Variants in ARHGAP26 observed in about 807,000 individuals in gnomAD.
The protein encoded by ARHGAP26 is rho GTPase-activating protein 26.
ARHGAP26 carries 38 observed loss-of-function variants against 104.8 expected under a neutral mutation model. That is an observed-to-expected ratio of 0.36 (90% confidence interval 0.28 to 0.48). ARHGAP26 has a LOEUF of 0.48. Ranked by LOEUF, ARHGAP26 falls within the 20% of genes least tolerant of loss-of-function variation. The pLI is 0.99. For missense variants in ARHGAP26, 704 were observed against 947.9 expected (o/e 0.74, Z 3.38); for synonymous variants, 341 against 340.0 (o/e 1.00, Z -0.03).
At chr5:143,027,175 GT>G (rs10551710) in intron 12 of ARHGAP26, among the ~76,000 whole-genome samples, 31,106 of 140,768 alleles carry the variant, frequency 0.22, 3,571 homozygotes, top group South Asian at 0.34. Flanking sequence ...GATTTTTTGT[GT>G]TTTTTTTTTT....
At chr5:142,910,829 T>G (rs1330519062) in intron 9 of ARHGAP26, among the ~76,000 whole-genome samples, 5 of 152,234 alleles carry the variant, frequency 3.3e-5, no homozygotes, top group Non-Finnish European at 7.3e-5. Flanking sequence ...TCCAAAGTAC[T>G]GGGATTACCA....
At chr5:142,888,081 G>A (rs1321338961) in intron 5 of ARHGAP26, among the ~76,000 whole-genome samples, 1 of 152,154 alleles carries the variant, frequency 6.6e-6, no homozygotes, top group East Asian at 1.9e-4. Flanking sequence ...TTTGTTGAAT[G>A]CATATTTATG....
At chr5:143,012,896 C>T (rs1779095806) in intron 11 of ARHGAP26, among the ~76,000 whole-genome samples, 1 of 151,866 alleles carries the variant, frequency 6.6e-6, no homozygotes, top group Admixed American at 6.6e-5. Flanking sequence ...CCTCATGATC[C>T]ACCCGCCTGG....
intron 11 of ARHGAP26, among the ~76,000 whole-genome samples, chr5:142,959,140 A>C (rs1183031161): frequency 3.9e-5 from 6 of 152,362 alleles, no homozygotes; most frequent in African/African-American, 1.2e-4. Flanking sequence ...GTCTGAACCC[A>C]GAGCTGCTGG....
At chr5:142,807,453 G>A (rs528184726) in intron 1 of ARHGAP26, among the ~76,000 whole-genome samples, 64 of 152,180 alleles carry the variant, frequency 4.2e-4, no homozygotes, top group Non-Finnish European at 6.2e-4. Context: ...CTTCAGTTCA[G>A]CTGTGCTGCT....
chr5:143,003,424 G>A (rs772354475), intron 11 of ARHGAP26, among the ~76,000 whole-genome samples: 16 of 152,182 alleles, frequency 1.1e-4, no homozygotes, highest in Non-Finnish European at 2.2e-4. Context: ...GAAGGAATGC[G>A]CATCCTTAAG....
intron 20 of ARHGAP26, among the ~76,000 whole-genome samples, chr5:143,171,347 G>A (rs1327232994): frequency 6.6e-6 from 1 of 152,164 alleles, no homozygotes; most frequent in Non-Finnish European, 1.5e-5. Flanking sequence ...GTCATCCATC[G>A]TCTTGAGGGC....
At chr5:143,104,501 A>T (rs958110930) in intron 17 of ARHGAP26, among the ~76,000 whole-genome samples, 2 of 152,226 alleles carry the variant, frequency 1.3e-5, no homozygotes, top group Non-Finnish European at 2.9e-5. Flanking sequence ...AGAGAGTGAG[A>T]ACCTGTCTCA....
rs188575542 is a variant in ARHGAP26 at position 142,871,263 on chromosome 5, T to G, written c.155-2137T>G. On this transcript the variant is annotated intron_variant, in intron 1 of 22. Transcript: ENST00000645722. This position sits in a 1 kb window ranked among gnomAD's most constrained non-coding sequence, Gnocchi z 4.1. ...ACAGGCCCTGCCCTGGTTCAATGGG[T>G]GCCCCTGTGCAGAAGCCTCACAAAG... Among the ~76,000 whole-genome samples, 187 of 152,228 alleles carry G rather than the reference T, an allele frequency of 1.2e-3. No individual in the cohort carries two copies. The highest frequency in any genetic ancestry group is 4.1e-3 in the African/African-American group (172 of 41,520).
intron 10 of ARHGAP26, among the ~76,000 whole-genome samples, chr5:142,929,610 GA>G (rs1764423823): frequency 6.6e-6 from 1 of 152,292 alleles, no homozygotes; most frequent in Non-Finnish European, 1.5e-5. Flanking sequence ...ATGTGGAAAA[GA>G]ACTTGTATTT....
intron 20 of ARHGAP26, among the ~76,000 whole-genome samples, chr5:143,196,171 C>G (rs1203608981): frequency 6.6e-6 from 1 of 151,512 alleles, no homozygotes; most frequent in Admixed American, 6.6e-5. Flanking sequence ...TATTTAGTAA[C>G]CACCCCCTCA....
intron 5 of ARHGAP26, among the ~76,000 whole-genome samples, chr5:142,889,491 G>A (rs6892654): frequency 0.12 from 17,787 of 152,096 alleles, 2,021 homozygotes; most frequent in African/African-American, 0.3. Context: ...GGTGGCACGC[G>A]CCTGTAATCC....
intron 17 of ARHGAP26, among the ~76,000 whole-genome samples, chr5:143,078,198 G>A (rs1358967666): frequency 6.6e-6 from 1 of 152,186 alleles, no homozygotes; most frequent in East Asian, 1.9e-4. Flanking sequence ...TTTCATTGCA[G>A]GGAAAGTAAG....
chr5:143,205,939 A>G (rs1808479234), intron 20 of ARHGAP26, among the ~76,000 whole-genome samples: 1 of 152,266 alleles, frequency 6.6e-6, no homozygotes, highest in African/African-American at 2.4e-5. Context: ...CTAAAAATAT[A>G]CGTAATGGAA....
At chr5:143,011,303 CTTTTTTTTTTTT>C (rs58841045) in intron 11 of ARHGAP26, among the ~76,000 whole-genome samples, 31 of 110,970 alleles carry the variant, frequency 2.8e-4, no homozygotes, top group African/African-American at 1.1e-3. Flanking sequence ...TAAACCCCCG[CTTTTTTTTTTTT>C]TTTTTTTTTA....
chr5:142,836,848 T>C (rs1769675627), intron 1 of ARHGAP26, among the ~76,000 whole-genome samples: 1 of 152,254 alleles, frequency 6.6e-6, no homozygotes, highest in African/African-American at 2.4e-5. Context: ...ATTGGTATTA[T>C]CGTACCTACT....
chr5:142,981,960 G>A (rs1598474401), intron 11 of ARHGAP26, among the ~76,000 whole-genome samples: 1 of 152,240 alleles, frequency 6.6e-6, no homozygotes, highest in African/African-American at 2.4e-5. Context: ...GCCTCGTGCA[G>A]GCTTTCATTG....
Position 143,223,897 on chromosome 5 carries a change from A to C in ARHGAP26, c.*1451A>C, listed in dbSNP as rs558836326. 4 of 231,644 alleles carry C rather than the reference A, an allele frequency of 1.7e-5. No homozygotes were observed. The highest frequency in any genetic ancestry group is 1.7e-4 in the Admixed American group (3 of 17,746). The allele number at this position is 231,644 out of a possible 1,614,324, so 14.3% of individuals were successfully genotyped here. ...GAGATTTCAAATTCACTTGGCCTGC[A>C]AACAACAGAGTTATCCGTATCTTCC... On this transcript the variant is annotated 3_prime_UTR_variant, in exon 23 of 23. Coordinates refer to ENST00000645722, the MANE Select transcript of ARHGAP26 (RefSeq NM_001135608.3).
intron 17 of ARHGAP26, among the ~76,000 whole-genome samples, chr5:143,066,937 G>T (rs1787577477): frequency 6.6e-6 from 1 of 152,036 alleles, no homozygotes; most frequent in South Asian, 2.1e-4. Context: ...AGGGCTCTTC[G>T]TGATTCAAAT....
Sources: allele counts gnomAD v4.1 joint callset (sites outside exome capture counted in the v4.1 genomes callset), GRCh38; gene constraint gnomAD v4.1.1; non-coding constraint Gnocchi (gnomAD v3.1); transcripts MANE v1.5; gene names NCBI Gene and HGNC (gene_info 2026-07-23, HGNC 2026-07-21).